MCC: variants seen among roughly 807,000 people sequenced by gnomAD.
MCC encodes colorectal mutant cancer protein.
MCC carries 90 observed loss-of-function variants against 116.2 expected under a neutral mutation model. That is an observed-to-expected ratio of 0.77 (90% CI 0.65 to 0.92). The LOEUF is 0.92. Among genes scored for constraint, MCC ranks in the 40% least tolerant of loss-of-function variants. The pLI is 0.00. For synonymous variants in MCC, 578 were observed against 510.5 expected (o/e 1.13, Z -1.78); for missense variants, 1,516 against 1,312.2 (o/e 1.16, Z -2.40).
chr5:113,337,455 G>T (rs1223801818), intron 3 of MCC, among the ~76,000 whole-genome samples: 1 of 152,184 alleles, frequency 6.6e-6, no homozygotes, highest in Non-Finnish European at 1.5e-5. Context: ...TTTGAAAGGG[G>T]TCTGAATCAG....
chr5:113,080,939 T>TA (rs1754816710), intron 11 of MCC, among the ~76,000 whole-genome samples: 1 of 152,184 alleles, frequency 6.6e-6, no homozygotes, highest in Non-Finnish European at 1.5e-5. Flanking sequence ...CTATTTTCCC[T>TA]AACAGAATAT....
At chr5:113,029,338 C>G (rs969061805) in intron 17 of MCC, among the ~76,000 whole-genome samples, 1 of 151,002 alleles carries the variant, frequency 6.6e-6, no homozygotes, top group African/African-American at 2.4e-5. Context: ...TCTAGCTAAT[C>G]TAGAAGTTCC....
At chr5:113,485,282 C>G (rs1772488711) in intron 1 of MCC, among the ~76,000 whole-genome samples, 1 of 152,122 alleles carries the variant, frequency 6.6e-6, no homozygotes, top group African/African-American at 2.4e-5. Flanking sequence ...AGCGGAGGAC[C>G]AGAGCAAATA....
intron 1 of MCC, among the ~76,000 whole-genome samples, chr5:113,413,085 G>A (rs538513526): frequency 1.9e-4 from 29 of 152,126 alleles, no homozygotes; most frequent in Non-Finnish European, 2.8e-4. Context: ...ATTGATTTGC[G>A]TACGTTGAAC....
At chr5:113,417,355 G>C (rs1274851757) in intron 1 of MCC, among the ~76,000 whole-genome samples, 1 of 152,184 alleles carries the variant, frequency 6.6e-6, no homozygotes, top group African/African-American at 2.4e-5. Context: ...TTTAGGAAAA[G>C]TCCCATACTT....
chr5:113,120,926 C>T (rs182868391), intron 6 of MCC, among the ~76,000 whole-genome samples: 49 of 152,240 alleles, frequency 3.2e-4, no homozygotes, highest in Non-Finnish European at 4.7e-4. Context: ...AAACAAAACA[C>T]GATCTCCACC....
intron 3 of MCC, among the ~76,000 whole-genome samples, chr5:113,336,772 G>A (rs1767879674): frequency 6.6e-6 from 1 of 152,222 alleles, no homozygotes; most frequent in Admixed American, 6.5e-5. Flanking sequence ...GCTGCTGTAA[G>A]TATCTGTGTA....
At chr5:113,125,878 A>G (rs1379391370) in intron 5 of MCC, among the ~76,000 whole-genome samples, 2 of 152,192 alleles carry the variant, frequency 1.3e-5, no homozygotes, top group Non-Finnish European at 2.9e-5. Flanking sequence ...TCTTTGGGGA[A>G]AAAATGCCTC....
rs115812951 is a variant in MCC at position 113,460,637 on chromosome 5, C to A, written c.170+27608G>T. On this transcript the variant is annotated intron_variant, in intron 1 of 18. Transcript: ENST00000408903. ...CGCTGTGTGCCTTGTGCTCACAGAG[C>A]ATCAAAAGATGCTCACAGAGTTCAA... Among the ~76,000 whole-genome samples the A allele has an allele frequency of 2.4e-3, 368 of 152,318 alleles. 1 individual carries two copies. Among genetic ancestry groups the A allele is most frequent in the African/African-American group, 8.3e-3 (346 of 41,568 alleles).
intron 1 of MCC, among the ~76,000 whole-genome samples, chr5:113,404,798 C>T (rs1769786346): frequency 7.1e-6 from 1 of 140,292 alleles, no homozygotes. Context: ...GGTGGCACAA[C>T]ATCCAAAATC....
At chr5:113,286,524 C>T (rs1766269159) in intron 3 of MCC, among the ~76,000 whole-genome samples, 1 of 152,204 alleles carries the variant, frequency 6.6e-6, no homozygotes, top group African/African-American at 2.4e-5. Flanking sequence ...CCACCTCTGG[C>T]CCCATAAGTC....
intron 14 of MCC, among the ~76,000 whole-genome samples, chr5:113,059,415 C>G (rs1292339931): frequency 6.6e-6 from 1 of 152,198 alleles, no homozygotes; most frequent in East Asian, 1.9e-4. Flanking sequence ...TCTGGCCTCA[C>G]AGACAAAGGC....
intron 3 of MCC, among the ~76,000 whole-genome samples, chr5:113,287,996 C>CT (rs1766328304): frequency 6.6e-6 from 1 of 152,242 alleles, no homozygotes; most frequent in Admixed American, 6.5e-5. Context: ...CTTTGAGTAA[C>CT]TTCTCTGTTC....
intron 15 of MCC, among the ~76,000 whole-genome samples, chr5:113,053,166 G>C (rs979667278): frequency 2.0e-5 from 3 of 152,068 alleles, no homozygotes; most frequent in African/African-American, 7.2e-5. Flanking sequence ...CAGCAGGTAG[G>C]TATCTCCACT....
intron 14 of MCC, among the ~76,000 whole-genome samples, chr5:113,056,183 C>G (rs368326748): frequency 6.6e-6 from 1 of 152,148 alleles, no homozygotes. Context: ...GTGACCCAAG[C>G]GTCTTACATA....
chr5:113,452,386 G>A (rs1341085469), intron 1 of MCC, among the ~76,000 whole-genome samples: 1 of 152,200 alleles, frequency 6.6e-6, no homozygotes, highest in Non-Finnish European at 1.5e-5. Flanking sequence ...TAGAAGGTGA[G>A]GCCTTTGGGA....
intron 3 of MCC, among the ~76,000 whole-genome samples, chr5:113,241,301 A>T (rs1764354528): frequency 6.6e-6 from 1 of 152,252 alleles, no homozygotes; most frequent in South Asian, 2.1e-4. Context: ...AGCTAAGGGC[A>T]AGAGACTAGG....
intron 1 of MCC, among the ~76,000 whole-genome samples, chr5:113,416,874 A>C (rs879355264): frequency 7.2e-5 from 11 of 152,290 alleles, no homozygotes; most frequent in African/African-American, 2.6e-4. Flanking sequence ...TATTTTTGTC[A>C]ACAATTTGCA....
At chr5:113,373,194 A>T (rs1768884623) in intron 2 of MCC, among the ~76,000 whole-genome samples, 1 of 151,992 alleles carries the variant, frequency 6.6e-6, no homozygotes, top group African/African-American at 2.4e-5. Flanking sequence ...AAAATAAAAT[A>T]AAATAAATAA....
Sources: allele counts gnomAD v4.1 joint callset (sites outside exome capture counted in the v4.1 genomes callset), GRCh38; gene constraint gnomAD v4.1.1; transcripts MANE v1.5; gene names NCBI Gene and HGNC (gene_info 2026-07-23, HGNC 2026-07-21).